Variants in RAF1 observed in about 807,000 individuals in gnomAD.
RAF1 encodes the protein RAF proto-oncogene serine/threonine-protein kinase.
In RAF1, 27 loss-of-function variants were observed where a neutral mutation model predicts 81.1. The ratio of observed to expected loss-of-function variants is 0.33; its 90% CI spans 0.25 to 0.46. The LOEUF is 0.46. RAF1 is among the 20% of genes least tolerant of loss of function. RAF1 has a pLI of 1.00. For synonymous variants in RAF1, 298 were observed against 294.0 expected (o/e 1.01, Z -0.14); for missense variants, 598 against 826.0 (o/e 0.72, Z 3.38).
intron 11 of RAF1, among the ~76,000 whole-genome samples, chr3:12,593,383 C>A (rs2058582700): frequency 6.6e-6 from 1 of 150,406 alleles, no homozygotes; most frequent in African/African-American, 2.4e-5. Flanking sequence ...ACCCAGCCCT[C>A]CCCATTTCAT....
rs2125325401 is a variant in RAF1 at position 12,585,678 on chromosome 3, C to T, written c.1596+3G>A. On this transcript the variant is annotated splice_donor_region_variant and intron_variant, in intron 15 of 17. Coordinates refer to ENST00000442415, the MANE Select transcript of RAF1 (RefSeq NM_001354689.3). ...GACTGCTGGTGGGAGCCCAGATTCT[C>T]ACCATCCAGAGGACAGAGCCAGTAG... The T allele has an allele frequency of 6.2e-7, 1 of 1,609,316 alleles. No homozygotes were observed. Among genetic ancestry groups the T allele is most frequent in the Non-Finnish European group, 8.5e-7 (1 of 1,175,640 alleles).
At chr3:12,661,063 A>G (rs6795441) in intron 1 of RAF1, among the ~76,000 whole-genome samples, 70,941 of 152,036 alleles carry the variant, frequency 0.47, 17,264 homozygotes, top group East Asian at 0.91. Context: ...TAAACAGCTT[A>G]GCCCTTGAGT....
intron 1 of RAF1, among the ~76,000 whole-genome samples, chr3:12,645,616 A>C (rs1393863845): frequency 1.3e-5 from 2 of 152,228 alleles, no homozygotes; most frequent in Admixed American, 1.3e-4. Flanking sequence ...TTTTTGGAAT[A>C]CAGTAATGTA....
intron 5 of RAF1, among the ~76,000 whole-genome samples, chr3:12,606,772 G>A (rs1189659863): frequency 6.6e-6 from 1 of 152,056 alleles, no homozygotes; most frequent in Non-Finnish European, 1.5e-5. Flanking sequence ...TGTTACATAG[G>A]TATACATGTG....
intron 1 of RAF1, among the ~76,000 whole-genome samples, chr3:12,640,790 T>C (rs1277313381): frequency 6.6e-6 from 1 of 152,128 alleles, no homozygotes; most frequent in Non-Finnish European, 1.5e-5. Context: ...TCAACCATTG[T>C]GGAAGTCAGT....
intron 1 of RAF1, among the ~76,000 whole-genome samples, chr3:12,621,409 T>C (rs898820943): frequency 1.3e-5 from 2 of 152,198 alleles, no homozygotes; most frequent in African/African-American, 4.8e-5. Flanking sequence ...CACTATATGC[T>C]AAATCACATC....
chr3:12,607,908 G>GCCACTGTA (rs1427892988), intron 5 of RAF1, among the ~76,000 whole-genome samples: 1 of 126,272 alleles, frequency 7.9e-6, no homozygotes, highest in African/African-American at 3.1e-5. Flanking sequence ...CCGAGATCAT[G>GCCACTGTA]CCACTGTACT....
At chr3:12,619,660 G>C (rs1424009810) in intron 1 of RAF1, among the ~76,000 whole-genome samples, 1 of 151,378 alleles carries the variant, frequency 6.6e-6, no homozygotes, top group African/African-American at 2.4e-5. Context: ...TTCTTCCTAA[G>C]CAACTACTAC....
At chr3:12,639,769 A>G (rs1468406730) in intron 1 of RAF1, among the ~76,000 whole-genome samples, 1 of 152,210 alleles carries the variant, frequency 6.6e-6, no homozygotes. Flanking sequence ...GGAAGAATCA[A>G]TATCGTGAAA....
intron 1 of RAF1, among the ~76,000 whole-genome samples, chr3:12,630,635 A>G (rs2059833136): frequency 6.6e-6 from 1 of 152,160 alleles, no homozygotes; most frequent in South Asian, 2.1e-4. Context: ...TCCTTTGTAC[A>G]AGGAATGGTA....
At chr3:12,638,526 A>G (rs1359283845) in intron 1 of RAF1, among the ~76,000 whole-genome samples, 1 of 152,230 alleles carries the variant, frequency 6.6e-6, no homozygotes, top group East Asian at 1.9e-4. Context: ...CTACTATAGA[A>G]TTCTACGTCA....
intron 1 of RAF1, among the ~76,000 whole-genome samples, chr3:12,633,934 C>CAAAAAAAAAAAAAAAAAAAAAA (rs35322613): frequency 1.0e-5 from 1 of 95,544 alleles, no homozygotes; most frequent in Non-Finnish European, 2.1e-5. Flanking sequence ...AAAACTCTCT[C>CAAAAAAAAAAAAAAAAAAAAAA]AAAAAAAAAA....
intron 8 of RAF1, among the ~76,000 whole-genome samples, chr3:12,603,209 G>A (rs1056345369): frequency 6.6e-6 from 1 of 152,164 alleles, no homozygotes. Flanking sequence ...GAGTAGCTGG[G>A]ACAACAGACA....
chr3:12,600,862 T>C (rs2058841146), intron 8 of RAF1, among the ~76,000 whole-genome samples: 1 of 152,214 alleles, frequency 6.6e-6, no homozygotes, highest in African/African-American at 2.4e-5. Flanking sequence ...GTGCCAAGCC[T>C]GGTATTAGTT....
rs59472802 is a variant in RAF1, at chr3:12,598,725, C to CAAAAAAA, written c.1168+959_1168+965dup. On this transcript the variant is annotated intron_variant, in intron 11 of 17. Coordinates refer to ENST00000442415, the MANE Select transcript of RAF1 (RefSeq NM_001354689.3). ...TGGGCAACAGAGCAAGAATCTATCT[C>CAAAAAAA]AAAAAAAAAAAAAAAAAAAAAAAAA... Among the ~76,000 whole-genome samples, 133 of 61,986 alleles carry CAAAAAAA rather than the reference C, an allele frequency of 2.1e-3. 4 individuals are homozygous for CAAAAAAA. Among genetic ancestry groups the CAAAAAAA allele is most frequent in the African/African-American group, 6.1e-3 (114 of 18,738 alleles). The allele number at this position is 61,986 out of a possible 152,430, so 40.7% of individuals were successfully genotyped here.
At chr3:12,605,976 G>A (rs1343081603) in intron 6 of RAF1, among the ~76,000 whole-genome samples, 1 of 152,132 alleles carries the variant, frequency 6.6e-6, no homozygotes, top group East Asian at 1.9e-4. Context: ...TATGATAACA[G>A]AAGAAGCTAC....
At chr3:12,587,783 G>A in intron 13 of RAF1, 146 bp from the exon 13 acceptor site, 1 of 637,868 alleles carries the variant, frequency 1.6e-6, no homozygotes, top group Admixed American at 2.5e-5. Context: ...TGTTCAGCCT[G>A]GTTCACATCA....
In RAF1 at chr3:12,611,949, C is replaced by A. The variant is rs2125430058; in HGVS notation, c.320+1G>T. 6.2e-7 allele frequency: 1 copy of A among 1,612,920 alleles called. No homozygotes were observed. Among genetic ancestry groups the A allele is most frequent in the Non-Finnish European group, 8.5e-7 (1 of 1,178,872 alleles). Reference sequence around the variant, plus strand: ...AAGTCAATTGACTTTTGAGCTCTTACCCTTTGTGTTCGTGGAGAAGTCTGA... The same window carrying A: ...AAGTCAATTGACTTTTGAGCTCTTAACCTTTGTGTTCGTGGAGAAGTCTGA... On this transcript the variant is annotated splice_donor_variant, in intron 3 of 17. Transcript: ENST00000442415. LOFTEE classifies it high-confidence loss of function.
At position 12,587,854 on chromosome 3, in the gene RAF1, T is replaced by TTTTTTTTTTTTTG. The variant is rs1553610554; in HGVS notation, c.1431-218_1431-217insCAAAAAAAAAAAA. On this transcript the variant is annotated intron_variant, in intron 13 of 17. Transcript: ENST00000442415. The stretch of plus-strand genomic sequence containing the variant: ...GCTTACACCTTTTTTTTTTTTTTTT[T>TTTTTTTTTTTTTG]GGAGACTGGAGTGCAGTCAATAGCT... 4.4e-5 allele frequency: 19 copies of TTTTTTTTTTTTTG among 432,526 alleles called. 1 individual carries two copies. Among genetic ancestry groups the TTTTTTTTTTTTTG allele is most frequent in the African/African-American group, 3.9e-4 (18 of 46,014 alleles). The allele number at this position is 432,526 out of a possible 1,614,324, so 26.8% of individuals were successfully genotyped here.
Sources: gnomAD v4.1 joint callset for allele counts (sites outside exome capture counted in the v4.1 genomes callset) on GRCh38, gnomAD v4.1.1 for gene constraint, MANE v1.5 for transcripts, NCBI Gene and HGNC (gene_info 2026-07-23, HGNC 2026-07-21) for gene names.